MYO3B: variants seen among roughly 807,000 people sequenced by gnomAD.
MYO3B encodes the protein myosin IIIB.
Under a neutral mutation model 174.6 loss-of-function variants are expected in MYO3B, and 156 were observed. The observed-to-expected ratio is 0.89, with a 90% CI of 0.78 to 1.02. The LOEUF (loss-of-function observed/expected upper bound fraction) is 1.02, where lower values mean the gene tolerates loss of function less well. MYO3B is among the 50% of genes least tolerant of loss of function. The pLI is 0.00. For missense variants in MYO3B, 1,632 were observed against 1,639.4 expected (o/e 1.00, Z 0.08); for synonymous variants, 563 against 569.1 (o/e 0.99, Z 0.15).
intron 32 of MYO3B, among the ~76,000 whole-genome samples, chr2:170,596,288 G>A (rs1694140510): frequency 6.6e-6 from 1 of 152,164 alleles, no homozygotes. Flanking sequence ...ACCTTTCTGA[G>A]GGGCACCCCT....
At chr2:170,400,657 C>CT (rs1553482784) in intron 17 of MYO3B, among the ~76,000 whole-genome samples, 1 of 131,816 alleles carries the variant, frequency 7.6e-6, no homozygotes, top group Non-Finnish European at 1.8e-5. Context: ...CCCCCCCCCC[C>CT]TCGGCCTCCC....
chr2:170,509,098 T>C (rs1687804133), intron 28 of MYO3B, among the ~76,000 whole-genome samples: 1 of 152,238 alleles, frequency 6.6e-6, no homozygotes, highest in Admixed American at 6.5e-5. Context: ...GGCTCAAGCA[T>C]ATAATCCCCG....
intron 8 of MYO3B, among the ~76,000 whole-genome samples, chr2:170,360,381 A>G (rs10197044): frequency 0.021 from 3,195 of 152,232 alleles, 101 homozygotes; most frequent in African/African-American, 0.073. Flanking sequence ...TAAAAAAATT[A>G]CCCAAAGGCA....
rs752627194 is a variant in MYO3B at position 170,214,818 on chromosome 2, C to T, written c.516C>T (p.Leu172=). The change falls in exon 5 of 35, where the codon CTC becomes CTT. Residue 172 remains leucine, a synonymous_variant. Coordinates refer to ENST00000408978, the MANE Select transcript of MYO3B (RefSeq NM_138995.5). ...TGACAACAGAAGGAGGAGTTAAGCT[C>T]GTTGACTTTGGTAATGACTGCTTGT... ...ILLTTEGGVK[L]VDFGVSAQLT... 7 of 1,613,152 alleles carry T rather than the reference C, an allele frequency of 4.3e-6. No individual in the cohort carries two copies. Among genetic ancestry groups the T allele is most frequent in the East Asian group, 2.2e-5 (1 of 44,870 alleles).
At position 170,261,253 on chromosome 2, in the gene MYO3B, G is replaced by A. The variant is rs867528777; in HGVS notation, c.749+25117G>A. On this transcript the variant is annotated intron_variant, in intron 7 of 34. Transcript: ENST00000408978. The stretch of plus-strand genomic sequence containing the variant: ...TGGTCAGGCTGGTCTCAAACTCCTG[G>A]CCTCAAGGGATCCCACCCGCCTCAG... Among the ~76,000 whole-genome samples, 42 of 152,098 alleles carry A rather than the reference G, an allele frequency of 2.8e-4. 1 individual carries two copies. The South Asian group carries it at 8.7e-3, about 32-fold the overall frequency.
intron 21 of MYO3B, among the ~76,000 whole-genome samples, chr2:170,406,360 G>C (rs1038475496): frequency 6.6e-6 from 1 of 152,138 alleles, no homozygotes; most frequent in Non-Finnish European, 1.5e-5. Context: ...CAGATGTATT[G>C]AAATTGTCAT....
intron 7 of MYO3B, among the ~76,000 whole-genome samples, chr2:170,313,853 AACACACACACAGAC>A: frequency 6.6e-6 from 1 of 152,150 alleles, no homozygotes; most frequent in African/African-American, 2.4e-5. Flanking sequence ...TAGCGGGTGA[AACACACACACAGAC>A]ACACACACAC....
intron 7 of MYO3B, among the ~76,000 whole-genome samples, chr2:170,301,182 A>T (rs1476158455): frequency 6.6e-6 from 1 of 152,248 alleles, no homozygotes; most frequent in African/African-American, 2.4e-5. Flanking sequence ...GACTGTAATG[A>T]CCACAGGATC....
intron 23 of MYO3B, among the ~76,000 whole-genome samples, chr2:170,462,306 T>A (rs2118673): frequency 0.72 from 110,164 of 152,128 alleles, 39,970 homozygotes; most frequent in East Asian, 0.88. Flanking sequence ...ACTGATAGGT[T>A]GTTTTTCTAG....
chr2:170,472,880 T>C (rs975595371), intron 25 of MYO3B, among the ~76,000 whole-genome samples: 1 of 151,514 alleles, frequency 6.6e-6, no homozygotes, highest in Non-Finnish European at 1.5e-5. Context: ...TTTGTATTTT[T>C]AGTAGCGATG....
Position 170,531,035 on chromosome 2 carries a change from A to G in MYO3B, c.3575+11495A>G, listed in dbSNP as rs1313830217. ...GCTTTCACTTGTCTTATCTTGACCC[A>G]TAGGAATGTTTCCCTGGGCGACACA... On this transcript the variant is annotated intron_variant, in intron 30 of 34. Coordinates refer to ENST00000408978, the MANE Select transcript of MYO3B (RefSeq NM_138995.5). 2.0e-5 allele frequency among the ~76,000 whole-genome samples: 3 copies of G among 152,088 alleles called. No individual in the cohort carries two copies. The East Asian group carries it at 5.8e-4, about 29-fold the overall frequency.
intron 22 of MYO3B, among the ~76,000 whole-genome samples, chr2:170,437,374 C>T (rs1187835770): frequency 2.6e-5 from 4 of 152,050 alleles, no homozygotes; most frequent in Non-Finnish European, 5.9e-5. Context: ...TTAGCCCCCA[C>T]CCCCTTCTCC....
chr2:170,363,009 C>G (rs1046081549), intron 8 of MYO3B, among the ~76,000 whole-genome samples: 3 of 152,050 alleles, frequency 2.0e-5, no homozygotes, highest in African/African-American at 7.2e-5. Flanking sequence ...GATTTTCTCC[C>G]CTTGATTTAG....
At chr2:170,227,298 G>T (rs13021523) in intron 6 of MYO3B, among the ~76,000 whole-genome samples, 82,647 of 151,910 alleles carry the variant, frequency 0.54, 22,889 homozygotes, top group Admixed American at 0.64. Context: ...GAGGGGAAGT[G>T]GGGGGGTACA....
At chr2:170,331,723 A>T (rs1420417509) in intron 7 of MYO3B, among the ~76,000 whole-genome samples, 2 of 152,208 alleles carry the variant, frequency 1.3e-5, no homozygotes, top group Non-Finnish European at 2.9e-5. Flanking sequence ...TATTAGCAGA[A>T]TTCATTTCCT....
chr2:170,333,496 T>C (rs973345902), intron 7 of MYO3B, among the ~76,000 whole-genome samples: 1 of 152,238 alleles, frequency 6.6e-6, no homozygotes, highest in African/African-American at 2.4e-5. Context: ...TAAATTCGTA[T>C]GCAGAACAGA....
intron 32 of MYO3B, among the ~76,000 whole-genome samples, chr2:170,574,076 C>G: frequency 6.6e-6 from 1 of 152,124 alleles, no homozygotes; most frequent in East Asian, 1.9e-4. Flanking sequence ...GCTCCCACCC[C>G]ACACTGCTTC....
chr2:170,312,855 A>T (rs2093749109), intron 7 of MYO3B, among the ~76,000 whole-genome samples: 1 of 152,150 alleles, frequency 6.6e-6, no homozygotes, highest in South Asian at 2.1e-4. Flanking sequence ...GTTACACTTA[A>T]AGCTGATGAG....
chr2:170,469,892 C>T (rs909556772), intron 25 of MYO3B, among the ~76,000 whole-genome samples: 22 of 151,886 alleles, frequency 1.4e-4, no homozygotes, highest in Non-Finnish European at 2.9e-5. Flanking sequence ...CACCTGAGGT[C>T]GGGAGTTCGA....
Sources: allele counts gnomAD v4.1 joint callset (sites outside exome capture counted in the v4.1 genomes callset), GRCh38; gene constraint gnomAD v4.1.1; transcripts MANE v1.5; gene names NCBI Gene and HGNC (gene_info 2026-07-23, HGNC 2026-07-21).